Variants in SH3GL2 observed in about 807,000 individuals in gnomAD.
The protein encoded by SH3GL2 is endophilin-A1.
Under a neutral mutation model 46.0 loss-of-function variants are expected in SH3GL2, and 24 were observed. The ratio of observed to expected loss-of-function variants is 0.52; its 90% CI spans 0.38 to 0.73. The LOEUF (loss-of-function observed/expected upper bound fraction) is 0.73, where lower values mean the gene tolerates loss of function less well. Among genes scored for constraint, SH3GL2 ranks in the 30% least tolerant of loss-of-function variants. The pLI is 0.00. For missense variants in SH3GL2, 413 were observed against 424.2 expected, an observed-to-expected ratio of 0.97 and a Z score of 0.23; for synonymous variants, 196 against 147.1, an observed-to-expected ratio of 1.33 and a Z score of -2.40.
chr9:17,675,731 G>T (rs527598492), intron 1 of SH3GL2, among the ~76,000 whole-genome samples: 1 of 152,228 alleles, frequency 6.6e-6, no homozygotes, highest in African/African-American at 2.4e-5. Flanking sequence ...AGGATCACGA[G>T]GTCAGGAGAT....
At chr9:17,785,154 A>G (rs1823916704) in intron 3 of SH3GL2, among the ~76,000 whole-genome samples, 1 of 152,152 alleles carries the variant, frequency 6.6e-6, no homozygotes, top group Non-Finnish European at 1.5e-5. Flanking sequence ...TTGGATCTAA[A>G]CTTAAAGATA....
intron 1 of SH3GL2, among the ~76,000 whole-genome samples, chr9:17,679,348 A>G (rs914866572): frequency 6.6e-6 from 1 of 152,116 alleles, no homozygotes; most frequent in African/African-American, 2.4e-5. Context: ...GGTCCTTCAC[A>G]TCCCTTGTAA....
rs1380799507 is a variant in SH3GL2 at position 17,753,301 on chromosome 9, T to A, written c.114+6167T>A. ...ATCACCACACTATCTTCCACAATGG[T>A]TGAACTAATTTACACTCCTACCAAC... On this transcript the variant is annotated intron_variant, in intron 2 of 8. Transcript: ENST00000380607. Among the ~76,000 whole-genome samples the A allele has an allele frequency of 2.0e-5, 3 of 152,338 alleles. 1 individual carries two copies. Among genetic ancestry groups the A allele is most frequent in the Non-Finnish European group, 1.5e-5 (1 of 68,020 alleles).
chr9:17,733,865 C>G, intron 1 of SH3GL2, among the ~76,000 whole-genome samples: 1 of 138,172 alleles, frequency 7.2e-6, no homozygotes, highest in Non-Finnish European at 1.6e-5. Flanking sequence ...TAAACTATCG[C>G]AAGAACAAAA....
At chr9:17,618,732 T>C (rs1174909637) in intron 1 of SH3GL2, among the ~76,000 whole-genome samples, 3 of 152,036 alleles carry the variant, frequency 2.0e-5, no homozygotes, top group Non-Finnish European at 4.4e-5. Context: ...TCCCCAAAGG[T>C]TTCAGAGAAG....
chr9:17,730,805 T>C (rs1382895353), intron 1 of SH3GL2, among the ~76,000 whole-genome samples: 1 of 152,110 alleles, frequency 6.6e-6, no homozygotes, highest in Non-Finnish European at 1.5e-5. Flanking sequence ...GTGCAAAATT[T>C]TCAGGAAACT....
At chr9:17,614,095 A>G (rs1032075105) in intron 1 of SH3GL2, among the ~76,000 whole-genome samples, 11 of 151,978 alleles carry the variant, frequency 7.2e-5, no homozygotes, top group African/African-American at 1.2e-4. Context: ...TATCTTTTCA[A>G]CTTGAGGGGA....
intron 1 of SH3GL2, among the ~76,000 whole-genome samples, chr9:17,667,250 G>T (rs547283266): frequency 6.6e-6 from 1 of 152,046 alleles, no homozygotes; most frequent in Non-Finnish European, 1.5e-5. Flanking sequence ...CTTTAAAAGT[G>T]TACAATTCAG....
In SH3GL2 at chr9:17,609,085, T is replaced by C. The variant is rs149470295; in HGVS notation, c.45+29798T>C. Among the ~76,000 whole-genome samples the C allele has an allele frequency of 5.0e-3, 763 of 152,282 alleles. 9 individuals are homozygous for C. The highest frequency in any genetic ancestry group is 0.017 in the African/African-American group (713 of 41,542). On this transcript the variant is annotated intron_variant, in intron 1 of 8. Coordinates refer to ENST00000380607, the MANE Select transcript of SH3GL2 (RefSeq NM_003026.5). ...ATGAAGGCATGGTCCTGGCTCTGCT[T>C]TGTCCAGCTAGTGACAATGTTAGTA... is the stretch of plus-strand genomic sequence containing the variant.
intron 1 of SH3GL2, among the ~76,000 whole-genome samples, chr9:17,666,922 GT>G (rs1820359187): frequency 6.6e-6 from 1 of 152,096 alleles, no homozygotes; most frequent in African/African-American, 2.4e-5. Context: ...AACAGAATGT[GT>G]TGTCAAATGT....
intron 7 of SH3GL2, among the ~76,000 whole-genome samples, chr9:17,792,109 C>T (rs891845439): frequency 6.6e-6 from 1 of 152,242 alleles, no homozygotes; most frequent in Non-Finnish European, 1.5e-5. Flanking sequence ...CCAGATTAGA[C>T]TCTCACAGCT....
chr9:17,717,614 C>A (rs1193037460), intron 1 of SH3GL2, among the ~76,000 whole-genome samples: 1 of 152,056 alleles, frequency 6.6e-6, no homozygotes, highest in Non-Finnish European at 1.5e-5. Flanking sequence ...AGAGAATATG[C>A]CCTCTCTGCC....
intron 1 of SH3GL2, among the ~76,000 whole-genome samples, chr9:17,735,498 G>A (rs1479653701): frequency 6.6e-6 from 1 of 151,912 alleles, no homozygotes; most frequent in African/African-American, 2.4e-5. Context: ...GAACTGTGGG[G>A]TCCACTTATA....
intron 1 of SH3GL2, among the ~76,000 whole-genome samples, chr9:17,648,962 T>G (rs1209685747): frequency 1.3e-5 from 2 of 152,236 alleles, no homozygotes; most frequent in Admixed American, 1.3e-4. Context: ...ATCAGGGATC[T>G]TATCTATCTC....
chr9:17,600,830 CAG>C (rs1330708019), intron 1 of SH3GL2, among the ~76,000 whole-genome samples: 2 of 152,178 alleles, frequency 1.3e-5, no homozygotes, highest in African/African-American at 4.8e-5. Context: ...TGTTGGAAGA[CAG>C]AGCAGAGGGG....
intron 3 of SH3GL2, among the ~76,000 whole-genome samples, 154 bp from the exon 4 acceptor site, chr9:17,786,223 AGACT>A (rs1328370948): frequency 3.9e-5 from 6 of 152,316 alleles, no homozygotes; most frequent in African/African-American, 1.2e-4. Flanking sequence ...GTGGTTGATA[AGACT>A]GACTGACGGA....
At chr9:17,697,272 G>T (rs1471331917) in intron 1 of SH3GL2, among the ~76,000 whole-genome samples, 2 of 151,340 alleles carry the variant, frequency 1.3e-5, no homozygotes, top group African/African-American at 4.9e-5. Context: ...CACCCAGGCT[G>T]GAGTGCAGTG....
At chr9:17,675,870 G>T (rs188873095) in intron 1 of SH3GL2, among the ~76,000 whole-genome samples, 26 of 152,260 alleles carry the variant, frequency 1.7e-4, no homozygotes, top group Admixed American at 1.4e-3. Context: ...ACGTGAACCC[G>T]GGAGGTGGAG....
At chr9:17,741,509 T>G (rs1303006076) in intron 1 of SH3GL2, among the ~76,000 whole-genome samples, 3 of 152,184 alleles carry the variant, frequency 2.0e-5, no homozygotes, top group Non-Finnish European at 4.4e-5. Context: ...CACAGTTTGT[T>G]GAATTTTCTT....
Sources: allele counts gnomAD v4.1 joint callset (sites outside exome capture counted in the v4.1 genomes callset), GRCh38; gene constraint gnomAD v4.1.1; transcripts MANE v1.5; gene names NCBI Gene and HGNC (gene_info 2026-07-23, HGNC 2026-07-21).